ACCSL: variants seen among roughly 807,000 people sequenced by gnomAD.
ACCSL encodes the protein probable inactive 1-aminocyclopropane-1-carboxylate synthase-like protein 2.
In ACCSL, 55 loss-of-function variants were observed where a neutral mutation model predicts 61.7. That is an observed-to-expected ratio of 0.89 (90% confidence interval 0.72 to 1.12). The LOEUF is 1.12. ACCSL is among the 50% of genes most tolerant of loss of function. The pLI is 0.00. For synonymous variants in ACCSL, 258 were observed against 264.3 expected, an observed-to-expected ratio of 0.98 and a Z score of 0.23; for missense variants, 632 against 698.0, an observed-to-expected ratio of 0.91 and a Z score of 1.07.
chr11:43,932,382 C>T, the ACCSL span, among the ~76,000 whole-genome samples: 4 of 152,304 alleles, frequency 2.6e-5, no homozygotes, highest in South Asian at 2.1e-4. Flanking sequence ...ATCCTCCTAC[C>T]CTAGCCCCCC....
At chr11:43,994,011 T>C in the ACCSL span, among the ~76,000 whole-genome samples, 5 of 152,112 alleles carry the variant, frequency 3.3e-5, no homozygotes, top group South Asian at 1.0e-3. Context: ...ATGCATCAGG[T>C]TTGCAGCGGG....
At chr11:44,037,317 G>T in the ACCSL span, among the ~76,000 whole-genome samples, 1 of 152,222 alleles carries the variant, frequency 6.6e-6, no homozygotes, top group African/African-American at 2.4e-5. Context: ...TGAGCCCTGA[G>T]TCCTGTCTGT....
the ACCSL span, among the ~76,000 whole-genome samples, chr11:44,042,915 T>C: frequency 6.6e-6 from 1 of 151,908 alleles, no homozygotes; most frequent in African/African-American, 2.4e-5. Context: ...ACCTGGTCTC[T>C]ACAAAAAATA....
At chr11:43,959,651 CA>C in the ACCSL span, among the ~76,000 whole-genome samples, 2 of 152,204 alleles carry the variant, frequency 1.3e-5, no homozygotes, top group South Asian at 4.1e-4. Flanking sequence ...TTGCTTTCAA[CA>C]AACAATTTCC....
At chr11:43,998,299 A>G in the ACCSL span, among the ~76,000 whole-genome samples, 9 of 152,170 alleles carry the variant, frequency 5.9e-5, no homozygotes, top group African/African-American at 1.7e-4. Flanking sequence ...GGTGAAATTC[A>G]GCTGATGGGG....
chr11:43,966,637 CATTT>C, the ACCSL span, among the ~76,000 whole-genome samples: 1 of 152,160 alleles, frequency 6.6e-6, no homozygotes, highest in African/African-American at 2.4e-5. Flanking sequence ...ATTTGACTGA[CATTT>C]ATCCAAAGAA....
the ACCSL span, among the ~76,000 whole-genome samples, chr11:43,998,508 C>T: frequency 6.6e-6 from 1 of 152,288 alleles, no homozygotes; most frequent in East Asian, 1.9e-4. Context: ...TTGAGGGGCC[C>T]TGGTCTCTTG....
At chr11:43,980,482 T>C in the ACCSL span, among the ~76,000 whole-genome samples, 1 of 152,228 alleles carries the variant, frequency 6.6e-6, no homozygotes, top group South Asian at 2.1e-4. Context: ...AATCGAATTA[T>C]TGTGGTTTTC....
chr11:44,036,268 G>A, the ACCSL span, among the ~76,000 whole-genome samples: 2 of 152,228 alleles, frequency 1.3e-5, no homozygotes, highest in Non-Finnish European at 2.9e-5. Context: ...GAATTGTTAG[G>A]GTCCTGTCAC....
chr11:43,968,949 G>T, the ACCSL span, among the ~76,000 whole-genome samples: 1 of 152,110 alleles, frequency 6.6e-6, no homozygotes, highest in Non-Finnish European at 1.5e-5. Context: ...CAGGTCAAAG[G>T]CCCCTTCCTG....
the ACCSL span, among the ~76,000 whole-genome samples, chr11:43,993,286 T>C: frequency 1.3e-5 from 2 of 152,000 alleles, no homozygotes; most frequent in Non-Finnish European, 2.9e-5. Context: ...ACTCCGTGCA[T>C]CCCATGGGGT....
At chr11:43,941,688 T>C in the ACCSL span, among the ~76,000 whole-genome samples, 1 of 152,202 alleles carries the variant, frequency 6.6e-6, no homozygotes, top group African/African-American at 2.4e-5. Flanking sequence ...AGTCAGCCCA[T>C]CTGTTTCCAT....
At chr11:43,997,544 C>T in the ACCSL span, among the ~76,000 whole-genome samples, 12 of 152,282 alleles carry the variant, frequency 7.9e-5, no homozygotes, top group South Asian at 2.1e-4. Flanking sequence ...CCATTCTCGT[C>T]GTTTTATGCC....
chr11:44,048,254 G>A lies in ACCSL; in HGVS notation c.218G>A (p.Arg73His), dbSNP rs138904993. 2,664 of 1,614,152 alleles carry A rather than the reference G, an allele frequency of 1.7e-3. 3 individuals are homozygous for A. Among genetic ancestry groups the A allele is most frequent in the Non-Finnish European group, 2.0e-3 (2,337 of 1,180,024 alleles). Residue 73 changes from arginine (R) to histidine (H), a missense_variant, in exon 1 of 14, where the codon CGC becomes CAC. By Grantham distance (29) the Arg-to-His change is conservative. Transcript: ENST00000378832. ...TGTGAGCATGAAGCCCTTCTGAGTC[G>A]CTTAATATGCCGGATGATCAACCTC... is the stretch of plus-strand genomic sequence containing the variant. ...AICEHEALLSRLICRMINLLQ... is the reference protein window; with the variant it reads ...AICEHEALLSHLICRMINLLQ...
the ACCSL span, among the ~76,000 whole-genome samples, chr11:43,938,680 G>A: frequency 6.6e-6 from 1 of 152,150 alleles, no homozygotes; most frequent in Non-Finnish European, 1.5e-5. Context: ...GTGCACGCCT[G>A]TAATCCCAGC....
At chr11:43,943,296 C>T in the ACCSL span, 2 of 1,456,620 alleles carry the variant, frequency 1.4e-6, no homozygotes, top group Non-Finnish European at 1.8e-6. The surrounding 1 kb of genome is among the most constrained non-coding windows in gnomAD (Gnocchi z 4.8). Context: ...GCGGGGGGGA[C>T]GCGCGCGTCC....
At chr11:43,954,114 C>T in the ACCSL span, among the ~76,000 whole-genome samples, 8 of 152,184 alleles carry the variant, frequency 5.3e-5, no homozygotes, top group African/African-American at 1.9e-4. Flanking sequence ...AGGACTTTCA[C>T]TCTCTGATAT....
At chr11:43,987,057 G>A in the ACCSL span, among the ~76,000 whole-genome samples, 1 of 152,150 alleles carries the variant, frequency 6.6e-6, no homozygotes. Flanking sequence ...TGGGACCCTG[G>A]CTGCTCTCCC....
chr11:44,055,009 C>T (rs911649799), intron 8 of ACCSL, among the ~76,000 whole-genome samples, 193 bp from the exon 9 acceptor site: 32 of 152,254 alleles, frequency 2.1e-4, no homozygotes, highest in African/African-American at 7.5e-4. Flanking sequence ...TTCTGATGTA[C>T]CACCCCATCT....
Sources: allele counts gnomAD v4.1 joint callset (sites outside exome capture counted in the v4.1 genomes callset), GRCh38; gene constraint gnomAD v4.1.1; non-coding constraint Gnocchi (gnomAD v3.1); transcripts MANE v1.5; gene names NCBI Gene and HGNC (gene_info 2026-07-23, HGNC 2026-07-21).